Variants in SEZ6 observed in about 807,000 individuals in gnomAD.
SEZ6 encodes seizure related 6 homolog, also known as seizure protein 6 homolog.
A neutral mutation model predicts 101.0 loss-of-function variants in SEZ6; 53 were observed. The ratio of observed to expected loss-of-function variants is 0.52; its 90% CI spans 0.42 to 0.66. SEZ6 has a LOEUF of 0.66. Among genes scored for constraint, SEZ6 ranks in the 30% least tolerant of loss-of-function variants. SEZ6 has a pLI of 0.00. For missense variants in SEZ6, 1,102 were observed against 1,289.4 expected, an observed-to-expected ratio of 0.85 and a Z score of 2.23; for synonymous variants, 488 against 512.2, an observed-to-expected ratio of 0.95 and a Z score of 0.64.
chr17:28,979,334 CTGAATGAA>C (rs897369251), intron 3 of SEZ6, among the ~76,000 whole-genome samples: 2 of 152,176 alleles, frequency 1.3e-5, no homozygotes, highest in African/African-American at 4.8e-5. Context: ...AGAGGATTTG[CTGAATGAA>C]TGAATGAATG....
intron 1 of SEZ6, among the ~76,000 whole-genome samples, chr17:28,996,938 G>A (rs1198890170): frequency 6.6e-6 from 1 of 152,204 alleles, no homozygotes; most frequent in African/African-American, 2.4e-5. Flanking sequence ...TGTGTGTGCA[G>A]CTTAGGGTAG....
intron 1 of SEZ6, among the ~76,000 whole-genome samples, chr17:29,000,870 T>C (rs17721992): frequency 0.014 from 2,189 of 152,234 alleles, 22 homozygotes; most frequent in Non-Finnish European, 0.023. Context: ...CCTCTGCCAA[T>C]ACCCACCTGT....
intron 3 of SEZ6, among the ~76,000 whole-genome samples, chr17:28,974,893 C>A (rs2041201889): frequency 6.6e-6 from 1 of 152,210 alleles, no homozygotes; most frequent in Admixed American, 6.5e-5. Context: ...AGAACAGGGG[C>A]TTTTGAGTCT....
chr17:28,972,441 C>T (rs2152687012), intron 3 of SEZ6, among the ~76,000 whole-genome samples: 1 of 152,270 alleles, frequency 6.6e-6, no homozygotes, highest in South Asian at 2.1e-4. Flanking sequence ...AGAGATGTGC[C>T]CTGGGGACTC....
intron 1 of SEZ6, among the ~76,000 whole-genome samples, chr17:29,001,475 G>A (rs2041613823): frequency 6.6e-6 from 1 of 152,170 alleles, no homozygotes; most frequent in African/African-American, 2.4e-5. Context: ...GCTCCCCTGA[G>A]GAACCATGTA....
intron 3 of SEZ6, among the ~76,000 whole-genome samples, chr17:28,979,061 A>C (rs1017178256): frequency 2.6e-5 from 4 of 152,112 alleles, no homozygotes; most frequent in Non-Finnish European, 2.9e-5. Context: ...TTGGGGGAAC[A>C]AAAGGAAGAT....
chr17:28,982,028 C>T lies in SEZ6; in HGVS notation c.67G>A (p.Glu23Lys), dbSNP rs867683263. ...TGTCCTTTCCCCACGGTTGGGGCCT[C>T]TAAAGAGAGTCCTGAAATAATAAGG... ...LALLAHGLSL[E>K]APTVGKGQAP... The change falls in exon 2 of 17, where the codon GAG becomes AAG. Residue 23 changes from glutamate to lysine, a missense_variant. Transcript: ENST00000317338. The T allele has an allele frequency of 6.3e-7, 1 of 1,594,354 alleles. No individual in the cohort carries two copies. The highest frequency in any genetic ancestry group is 1.3e-5 in the African/African-American group (1 of 74,594).
intron 1 of SEZ6, among the ~76,000 whole-genome samples, chr17:28,995,815 G>T (rs149563793): frequency 6.6e-6 from 1 of 152,178 alleles, no homozygotes; most frequent in African/African-American, 2.4e-5. Flanking sequence ...GAGCTCTAAT[G>T]GTGGCCTTTT....
chr17:28,993,615 T>C (rs1271333988), intron 1 of SEZ6, among the ~76,000 whole-genome samples: 1 of 152,148 alleles, frequency 6.6e-6, no homozygotes, highest in Non-Finnish European at 1.5e-5. Context: ...CAGGGGTTGA[T>C]CTAGGGAGGA....
chr17:28,992,136 C>T (rs1362751240), intron 1 of SEZ6, among the ~76,000 whole-genome samples: 4 of 152,228 alleles, frequency 2.6e-5, no homozygotes, highest in Non-Finnish European at 5.9e-5. Context: ...TAGCCATGCA[C>T]TTCACAAAGA....
At chr17:28,975,106 A>G (rs2152687638) in intron 3 of SEZ6, among the ~76,000 whole-genome samples, 1 of 152,306 alleles carries the variant, frequency 6.6e-6, no homozygotes, top group African/African-American at 2.4e-5. Context: ...TAATGGGGAG[A>G]TGTGGGCCAC....
intron 1 of SEZ6, among the ~76,000 whole-genome samples, chr17:28,995,683 T>C (rs1327448053): frequency 6.6e-6 from 1 of 152,172 alleles, no homozygotes; most frequent in Non-Finnish European, 1.5e-5. Context: ...CTCCTTGGTC[T>C]CTCAGTTCAG....
chr17:28,956,838 A>G (rs1308767021), intron 13 of SEZ6, 81 bp from the exon 14 acceptor site: 1 of 1,488,142 alleles, frequency 6.7e-7, no homozygotes, highest in African/African-American at 1.4e-5. Flanking sequence ...AGGTAGTGGG[A>G]TGATCATGGG....
rs373740519 is a variant in SEZ6, at chr17:28,981,735, G to A, written c.360C>T (p.Thr120=). Residue 120 remains threonine, a synonymous_variant, in exon 2 of 17, where the codon ACC becomes ACT. Coordinates refer to ENST00000317338, the MANE Select transcript of SEZ6 (RefSeq NM_178860.5). ...CCGCAGCCATGGCTGGAGTGGGGCT[G>A]GTAAAGACAGGGCGGCTGTCCTGGT... ...LANQDSRPVF[T]SPTPAMAAVP... is the part of the protein sequence containing the mutation. The A allele has an allele frequency of 1.2e-6, 2 of 1,606,050 alleles. No homozygotes were observed. Among genetic ancestry groups the A allele is most frequent in the Non-Finnish European group, 1.7e-6 (2 of 1,174,108 alleles).
Position 28,955,965 on chromosome 17 carries a change from T to C in SEZ6, c.2982A>G (p.Ile994Met). Residue 994 changes from isoleucine (I) to methionine (M), a missense_variant, in exon 17 of 17, where the codon ATA becomes ATG. Around this residue, in one of 3 missense-constraint regions of SEZ6, gnomAD observed 140 missense variants for 135.7 expected, o/e 1.03. Transcript: ENST00000317338. ...GSLSFAGDER[I>M] ...TGCCCCCACCTAGATGGAGACTTCA[T>C]ATTCTCTCGTCTCCTGCAAAGGAAA... 1 of 1,612,438 alleles carries C rather than the reference T, an allele frequency of 6.2e-7. No individual in the cohort carries two copies. Among genetic ancestry groups the C allele is most frequent in the Non-Finnish European group, 8.5e-7 (1 of 1,179,292 alleles).
chr17:28,994,679 G>A (rs976977465), intron 1 of SEZ6, among the ~76,000 whole-genome samples: 1 of 151,982 alleles, frequency 6.6e-6, no homozygotes, highest in Non-Finnish European at 1.5e-5. Flanking sequence ...AAAGTGCTGG[G>A]ATTACAGGCG....
intron 1 of SEZ6, among the ~76,000 whole-genome samples, chr17:28,986,843 A>G (rs2041391706): frequency 6.6e-6 from 1 of 152,178 alleles, no homozygotes; most frequent in Admixed American, 6.5e-5. Context: ...GAGCTCATCT[A>G]TGGACAGACA....
At chr17:28,969,690 A>G in intron 4 of SEZ6, 67 bp downstream of exon 4, 1 of 1,339,206 alleles carries the variant, frequency 7.5e-7, no homozygotes, top group Admixed American at 4.0e-5. Context: ...TTGCACAGAG[A>G]CCCCCCTCCC....
chr17:28,986,768 CG>C (rs1239382766), intron 1 of SEZ6, among the ~76,000 whole-genome samples: 1 of 152,184 alleles, frequency 6.6e-6, no homozygotes, highest in Admixed American at 6.5e-5. Flanking sequence ...GTGACCTGGG[CG>C]GGGGCTGCCC....
Sources: gnomAD v4.1 joint callset for allele counts (sites outside exome capture counted in the v4.1 genomes callset) on GRCh38, gnomAD v4.1.1 for gene constraint, gnomAD v4.1.1 regional missense constraint, MANE v1.5 for transcripts, NCBI Gene and HGNC (gene_info 2026-07-23, HGNC 2026-07-21) for gene names.